Variants in RAB3GAP2 observed in about 807,000 individuals in gnomAD.
The protein encoded by RAB3GAP2 is RAB3 GTPase activating non-catalytic protein subunit 2.
A neutral mutation model predicts 185.3 loss-of-function variants in RAB3GAP2; 87 were observed. That is an observed-to-expected ratio of 0.47 (90% CI 0.39 to 0.56). RAB3GAP2 has a LOEUF of 0.56. RAB3GAP2 is among the 20% of genes least tolerant of loss of function. RAB3GAP2 has a pLI of 0.00. For synonymous variants in RAB3GAP2, 554 were observed against 576.1 expected (o/e 0.96, Z 0.55); for missense variants, 1,492 against 1,638.2 (o/e 0.91, Z 1.54).
chr1:220,270,352 T>C (rs1339523400), intron 1 of RAB3GAP2, among the ~76,000 whole-genome samples: 1 of 152,240 alleles, frequency 6.6e-6, no homozygotes, highest in Non-Finnish European at 1.5e-5. Context: ...GAACTGACAC[T>C]TTTTGCTGTT....
intron 31 of RAB3GAP2, among the ~76,000 whole-genome samples, chr1:220,156,782 C>T (rs1479927067): frequency 6.6e-6 from 1 of 152,096 alleles, no homozygotes; most frequent in Non-Finnish European, 1.5e-5. Flanking sequence ...GAGATAACTT[C>T]AAAGTTTCTA....
At chr1:220,193,173 A>G (rs2102870834) in intron 13 of RAB3GAP2, 67 bp downstream of exon 13, 1 of 1,572,790 alleles carries the variant, frequency 6.4e-7, no homozygotes, top group East Asian at 2.2e-5. Flanking sequence ...CTGAAGGATG[A>G]TAACATTGCT....
intron 31 of RAB3GAP2, 105 bp from the exon 32 acceptor site, chr1:220,154,162 T>G (rs770813464): frequency 5.0e-5 from 74 of 1,480,624 alleles, no homozygotes; most frequent in Non-Finnish European, 3.6e-5. Flanking sequence ...TGATTTTTAT[T>G]TCTCCTTGAA....
intron 4 of RAB3GAP2, 136 bp from the exon 5 acceptor site, chr1:220,211,138 A>G (rs1246599618): frequency 1.2e-6 from 1 of 826,168 alleles, no homozygotes; most frequent in Non-Finnish European, 2.0e-6. Context: ...ATAAGTAAAA[A>G]TACAGTAAAA....
intron 32 of RAB3GAP2, chr1:220,153,739 T>A (rs948238350): frequency 3.1e-5 from 15 of 491,492 alleles, no homozygotes; most frequent in Admixed American, 1.0e-4. Context: ...CTCCTAATGC[T>A]ATCCCTCCCC....
At chr1:220,185,785 G>C (rs771633330) in intron 17 of RAB3GAP2, 44 bp from the exon 18 acceptor site, 57 of 1,502,378 alleles carry the variant, frequency 3.8e-5, no homozygotes, top group Non-Finnish European at 5.0e-5. Flanking sequence ...ATAAGGCAGT[G>C]ATTTTGTTTT....
At position 220,253,148 on chromosome 1, in the gene RAB3GAP2, T is replaced by C. The variant is rs1256194730; in HGVS notation, c.115+19075A>G. ...AATGAAGAACAGCTGCCTTGTCAGATTGTGACCAGACTGCTTCTTGGGGTG... is the reference window on the plus strand; with the variant it reads ...AATGAAGAACAGCTGCCTTGTCAGACTGTGACCAGACTGCTTCTTGGGGTG... On this transcript the variant is annotated intron_variant, in intron 1 of 34. Transcript: ENST00000358951. Among the ~76,000 whole-genome samples, 5 of 152,298 alleles carry C rather than the reference T, an allele frequency of 3.3e-5. No homozygotes were observed. In the East Asian group the frequency reaches 7.7e-4, roughly 24 times the overall value.
chr1:220,224,781 C>T (rs1380945010), intron 2 of RAB3GAP2, among the ~76,000 whole-genome samples: 1 of 152,096 alleles, frequency 6.6e-6, no homozygotes, highest in Admixed American at 6.6e-5. Flanking sequence ...GTTTACAGTT[C>T]CTAGAAAGCT....
At chr1:220,202,160 A>C in intron 9 of RAB3GAP2, 116 bp downstream of exon 9, 3 of 1,150,850 alleles carry the variant, frequency 2.6e-6, no homozygotes, top group Non-Finnish European at 1.2e-6. Flanking sequence ...GCAAAGCTCC[A>C]TCTTAAAAAA....
intron 24 of RAB3GAP2, among the ~76,000 whole-genome samples, chr1:220,169,297 C>G (rs1029918626): frequency 6.6e-6 from 1 of 152,116 alleles, no homozygotes; most frequent in Non-Finnish European, 1.5e-5. Context: ...GTGTGAGCCC[C>G]CAAAGACAAC....
At chr1:220,244,767 C>T (rs1571925434) in intron 1 of RAB3GAP2, among the ~76,000 whole-genome samples, 1 of 152,092 alleles carries the variant, frequency 6.6e-6, no homozygotes, top group Non-Finnish European at 1.5e-5. Flanking sequence ...TTACTGCCAA[C>T]TGATCTTTGG....
chr1:220,188,055 C>T lies in RAB3GAP2; in HGVS notation c.1779+1648G>A, dbSNP rs553946733. On this transcript the variant is annotated intron_variant, in intron 17 of 34. Coordinates refer to ENST00000358951, the MANE Select transcript of RAB3GAP2 (RefSeq NM_012414.4). The stretch of plus-strand genomic sequence containing the variant: ...GAATCGAACTGAATTAGAGAATAAC[C>T]AGCTGGTGTTAGCTGGAGAATCTGC... Among the ~76,000 whole-genome samples, 3 of 150,678 alleles carry T rather than the reference C, an allele frequency of 2.0e-5. No homozygotes were observed. The South Asian group carries it at 6.3e-4, about 32-fold the overall frequency.
intron 21 of RAB3GAP2, among the ~76,000 whole-genome samples, chr1:220,175,513 G>A (rs909612678): frequency 2.0e-5 from 3 of 152,160 alleles, no homozygotes; most frequent in Admixed American, 6.5e-5. Flanking sequence ...CACTGCGCCC[G>A]GCCGGAATAC....
chr1:220,221,212 A>G (rs1465986768), intron 2 of RAB3GAP2, among the ~76,000 whole-genome samples: 3 of 152,198 alleles, frequency 2.0e-5, no homozygotes, highest in African/African-American at 7.2e-5. Context: ...TCATGGCTAT[A>G]TTCTCCAGGG....
chr1:220,222,475 C>A (rs1211708511), intron 2 of RAB3GAP2, among the ~76,000 whole-genome samples: 1 of 152,112 alleles, frequency 6.6e-6, no homozygotes, highest in African/African-American at 2.4e-5. Flanking sequence ...ATCCTGAGAT[C>A]TTTTCAACAT....
At chr1:220,225,004 C>G (rs935193942) in intron 2 of RAB3GAP2, among the ~76,000 whole-genome samples, 1 of 152,164 alleles carries the variant, frequency 6.6e-6, no homozygotes, top group Non-Finnish European at 1.5e-5. Context: ...GGTAGAAGAC[C>G]AGAGGCCCCA....
rs1259392884 is a variant in RAB3GAP2, at chr1:220,189,759, CAACCAAATCT to C, written c.1715-2_1722del. 1 of 1,504,368 alleles carries C rather than the reference CAACCAAATCT, an allele frequency of 6.6e-7. No individual in the cohort carries two copies. Among genetic ancestry groups the C allele is most frequent in the African/African-American group, 1.4e-5 (1 of 71,580 alleles). The allele number at this position is 1,504,368 out of a possible 1,614,324, so 93.2% of individuals were successfully genotyped here. On this transcript the variant is annotated splice_acceptor_variant and coding_sequence_variant, in exon 17 of 35. Transcript: ENST00000358951. LOFTEE classifies it high-confidence loss of function. ...AGAATTAATTCCTTTATTTCTGTTTCAACCAAATCTATAAAGAAAAAAATAATCAAAGTAA... is the reference window on the plus strand; with the variant it reads ...AGAATTAATTCCTTTATTTCTGTTTCATAAAGAAAAAAATAATCAAAGTAA...
intron 1 of RAB3GAP2, among the ~76,000 whole-genome samples, chr1:220,258,303 T>C (rs1445332395): frequency 6.6e-6 from 1 of 152,174 alleles, no homozygotes; most frequent in Non-Finnish European, 1.5e-5. Flanking sequence ...TTCAGGCCAA[T>C]ATTCCTGATG....
chr1:220,215,808 T>C (rs985072192), intron 2 of RAB3GAP2, among the ~76,000 whole-genome samples: 5 of 152,098 alleles, frequency 3.3e-5, no homozygotes, highest in African/African-American at 7.2e-5. Context: ...CTACCTAATG[T>C]CTTTTAGATT....
Sources: allele counts gnomAD v4.1 joint callset (sites outside exome capture counted in the v4.1 genomes callset), GRCh38; gene constraint gnomAD v4.1.1; transcripts MANE v1.5; gene names NCBI Gene and HGNC (gene_info 2026-07-23, HGNC 2026-07-21).